Variants in PTPRD observed in about 807,000 individuals in gnomAD.
PTPRD encodes the protein protein tyrosine phosphatase receptor type D.
PTPRD carries 34 observed loss-of-function variants against 214.5 expected under a neutral mutation model. The ratio of observed to expected loss-of-function variants is 0.16; its 90% CI spans 0.12 to 0.21. PTPRD has a LOEUF of 0.21. PTPRD is among the 10% of genes least tolerant of loss of function. PTPRD has a pLI of 1.00. For synonymous variants in PTPRD, 1,128 were observed against 845.7 expected, an observed-to-expected ratio of 1.33 and a Z score of -5.79; for missense variants, 2,545 against 2,398.7, an observed-to-expected ratio of 1.06 and a Z score of -1.27.
chr9:10,262,391 C>G (rs923119469), intron 3 of PTPRD, among the ~76,000 whole-genome samples: 1 of 152,156 alleles, frequency 6.6e-6, no homozygotes, highest in Admixed American at 6.5e-5. Flanking sequence ...GAGGTAGACT[C>G]TGTCATCGGT....
At chr9:8,709,582 C>T (rs991654948) in intron 12 of PTPRD, among the ~76,000 whole-genome samples, 5 of 150,556 alleles carry the variant, frequency 3.3e-5, no homozygotes, top group African/African-American at 9.8e-5. Flanking sequence ...GTAAAGTGTT[C>T]TCATAACAAA....
intron 17 of PTPRD, 149 bp downstream of exon 17, chr9:8,526,478 T>C (rs1187193616): frequency 6.4e-6 from 3 of 469,500 alleles, no homozygotes; most frequent in African/African-American, 2.0e-5. Flanking sequence ...AATATGAGAG[T>C]CACTGATCAT....
At chr9:9,968,692 T>C (rs1026497606) in intron 4 of PTPRD, among the ~76,000 whole-genome samples, 2 of 152,190 alleles carry the variant, frequency 1.3e-5, no homozygotes, top group Non-Finnish European at 2.9e-5. Flanking sequence ...AAAGAAAAAT[T>C]CCTCTTCCAC....
chr9:9,966,669 G>A (rs1161880384), intron 4 of PTPRD, among the ~76,000 whole-genome samples: 2 of 152,094 alleles, frequency 1.3e-5, no homozygotes, highest in African/African-American at 4.8e-5. Flanking sequence ...GGGGAGAAGT[G>A]GATTTGGGGG....
chr9:8,651,008 G>A (rs2154344355), intron 12 of PTPRD, among the ~76,000 whole-genome samples: 1 of 152,004 alleles, frequency 6.6e-6, no homozygotes, highest in South Asian at 2.1e-4. Flanking sequence ...CATTTTGTAG[G>A]ATATTAAAAT....
intron 2 of PTPRD, among the ~76,000 whole-genome samples, chr9:10,600,424 T>C (rs920116388): frequency 4.6e-5 from 7 of 151,752 alleles, no homozygotes; most frequent in Admixed American, 3.3e-4. Flanking sequence ...TTAAGATTGA[T>C]GAGAGTAACT....
chr9:9,017,704 A>G (rs140726415), intron 11 of PTPRD, among the ~76,000 whole-genome samples: 7 of 152,298 alleles, frequency 4.6e-5, no homozygotes, highest in Admixed American at 1.3e-4. Flanking sequence ...AGAAACATCG[A>G]ATAATTGCAT....
chr9:9,717,377 A>T (rs926446277), intron 7 of PTPRD, among the ~76,000 whole-genome samples: 1 of 152,144 alleles, frequency 6.6e-6, no homozygotes, highest in Non-Finnish European at 1.5e-5. Flanking sequence ...GTTTTTTCCA[A>T]TTCTGTGAAG....
At chr9:8,598,732 T>C (rs1256388599) in intron 14 of PTPRD, among the ~76,000 whole-genome samples, 1 of 152,156 alleles carries the variant, frequency 6.6e-6, no homozygotes, top group Non-Finnish European at 1.5e-5. Flanking sequence ...GATCTTTCAT[T>C]GGAAGAGCCA....
chr9:9,805,047 G>A (rs567040921), intron 5 of PTPRD, among the ~76,000 whole-genome samples: 2 of 152,078 alleles, frequency 1.3e-5, no homozygotes, highest in East Asian at 3.9e-4. Flanking sequence ...TCCTCATAGG[G>A]ACTTTGAAGT....
At chr9:9,910,119 C>A (rs1453355006) in intron 5 of PTPRD, among the ~76,000 whole-genome samples, 1 of 151,886 alleles carries the variant, frequency 6.6e-6, no homozygotes, top group Non-Finnish European at 1.5e-5. Context: ...GCTTTCATAT[C>A]TGTGAAGGCA....
intron 2 of PTPRD, among the ~76,000 whole-genome samples, chr9:10,354,558 TC>T (rs2097239454): frequency 6.6e-6 from 1 of 152,194 alleles, no homozygotes; most frequent in African/African-American, 2.4e-5. Flanking sequence ...TTCCTTAAGT[TC>T]TTTGACTCTC....
intron 8 of PTPRD, among the ~76,000 whole-genome samples, chr9:9,551,566 C>A (rs542863945): frequency 6.6e-6 from 1 of 152,098 alleles, no homozygotes; most frequent in Admixed American, 6.6e-5. Flanking sequence ...TGGATTTGAT[C>A]TTCCAGAGTA....
At chr9:10,215,778 G>T (rs1223180522) in intron 3 of PTPRD, among the ~76,000 whole-genome samples, 2 of 151,608 alleles carry the variant, frequency 1.3e-5, no homozygotes, top group Admixed American at 1.3e-4. Context: ...TTAAATTGAG[G>T]TATACTTGTT....
intron 5 of PTPRD, among the ~76,000 whole-genome samples, chr9:9,867,375 T>C (rs1286764489): frequency 1.3e-5 from 2 of 152,166 alleles, no homozygotes; most frequent in Non-Finnish European, 2.9e-5. Context: ...ATTATGCCTC[T>C]TGTTGGGTGG....
At chr9:8,318,551 A>AAGGT (rs1188574969) in intron 45 of PTPRD, among the ~76,000 whole-genome samples, 1 of 152,110 alleles carries the variant, frequency 6.6e-6, no homozygotes, top group Non-Finnish European at 1.5e-5. Context: ...ATACAGCCAG[A>AAGGT]AGGTAGCTGG....
At chr9:9,581,581 A>C (rs1196136743) in intron 7 of PTPRD, among the ~76,000 whole-genome samples, 1 of 152,122 alleles carries the variant, frequency 6.6e-6, no homozygotes. Context: ...TCGATAAATA[A>C]TCAATGACCA....
chr9:10,152,432 T>C (rs1340457408), intron 3 of PTPRD, among the ~76,000 whole-genome samples: 3 of 152,216 alleles, frequency 2.0e-5, no homozygotes, highest in Admixed American at 6.5e-5. Context: ...AGATATGTGA[T>C]TCACAAATAT....
At chr9:10,108,276 A>T (rs1489043299) in intron 3 of PTPRD, among the ~76,000 whole-genome samples, 1 of 152,148 alleles carries the variant, frequency 6.6e-6, no homozygotes, top group Non-Finnish European at 1.5e-5. Context: ...AATCAAGCCA[A>T]TTAACATATA....
Sources: allele counts gnomAD v4.1 joint callset (sites outside exome capture counted in the v4.1 genomes callset), GRCh38; gene constraint gnomAD v4.1.1; transcripts MANE v1.5; gene names NCBI Gene and HGNC (gene_info 2026-07-23, HGNC 2026-07-21).